Variants in OGDH observed in about 807,000 individuals in gnomAD.
OGDH encodes 2-oxoglutarate dehydrogenase complex component E1.
A neutral mutation model predicts 116.6 loss-of-function variants in OGDH; 38 were observed. The observed-to-expected ratio is 0.33, with a 90% CI of 0.25 to 0.43. The LOEUF (loss-of-function observed/expected upper bound fraction) is 0.43, where lower values mean the gene tolerates loss of function less well. Ranked by LOEUF, OGDH falls within the 20% of genes least tolerant of loss-of-function variation. The pLI is 1.00. For synonymous variants in OGDH, 488 were observed against 533.3 expected (o/e 0.92, Z 1.17); for missense variants, 825 against 1,357.2 (o/e 0.61, Z 6.16).
At chr7:44,608,253 T>C (rs1394463012) in intron 1 of OGDH, among the ~76,000 whole-genome samples, 1 of 152,030 alleles carries the variant, frequency 6.6e-6, no homozygotes, top group Non-Finnish European at 1.5e-5. Flanking sequence ...AATAAAATTA[T>C]CCGGATATGG....
intron 5 of OGDH, among the ~76,000 whole-genome samples, chr7:44,670,996 G>A (rs1787418357): frequency 8.3e-6 from 1 of 120,470 alleles, no homozygotes; most frequent in Non-Finnish European, 1.6e-5. Flanking sequence ...GGGCAACAGA[G>A]CAAGACTCCA....
intron 5 of OGDH, among the ~76,000 whole-genome samples, chr7:44,667,631 G>A (rs1456425955): frequency 6.6e-6 from 1 of 152,160 alleles, no homozygotes; most frequent in African/African-American, 2.4e-5. Context: ...CTGCTGTTAG[G>A]CTACCTGTGT....
chr7:44,650,798 C>T (rs1275312128), intron 4 of OGDH, among the ~76,000 whole-genome samples: 1 of 152,180 alleles, frequency 6.6e-6, no homozygotes, highest in South Asian at 2.1e-4. Flanking sequence ...AGGGGATAGG[C>T]TGAATGGCAA....
chr7:44,680,320 G>T (rs1368366465), intron 9 of OGDH, among the ~76,000 whole-genome samples: 1 of 152,144 alleles, frequency 6.6e-6, no homozygotes, highest in Non-Finnish European at 1.5e-5. Flanking sequence ...TAATACAAGG[G>T]TTTTAAAGAG....
chr7:44,698,941 T>G (rs1358682903), intron 18 of OGDH, among the ~76,000 whole-genome samples: 1 of 151,450 alleles, frequency 6.6e-6, no homozygotes, highest in African/African-American at 2.4e-5. Context: ...GTCAGGAGTT[T>G]GAGACCAGCC....
At chr7:44,662,006 A>G (rs1786968295) in intron 4 of OGDH, among the ~76,000 whole-genome samples, 2 of 152,202 alleles carry the variant, frequency 1.3e-5, no homozygotes, top group Non-Finnish European at 2.9e-5. Flanking sequence ...TTTTCAATAC[A>G]TATTAAGTAT....
chr7:44,669,145 C>CTTTTTTTTTTG (rs1787315541), intron 5 of OGDH, among the ~76,000 whole-genome samples: 1 of 77,814 alleles, frequency 1.3e-5, no homozygotes, highest in African/African-American at 7.3e-5. Context: ...AGCCCGGCAG[C>CTTTTTTTTTTG]TTTTTTTTTT....
At chr7:44,678,249 A>G (rs574447176) in intron 9 of OGDH, among the ~76,000 whole-genome samples, 12 of 152,136 alleles carry the variant, frequency 7.9e-5, no homozygotes, top group Non-Finnish European at 1.8e-4. Context: ...GGAGATCAGC[A>G]TTGTGATGAC....
intron 10 of OGDH, among the ~76,000 whole-genome samples, chr7:44,683,507 A>G (rs1294909798): frequency 2.6e-5 from 4 of 152,102 alleles, no homozygotes; most frequent in East Asian, 3.9e-4. Context: ...CTGGGATTGT[A>G]GGTGTGATCC....
chr7:44,679,715 A>C (rs1401341452), intron 9 of OGDH, among the ~76,000 whole-genome samples: 2 of 152,196 alleles, frequency 1.3e-5, no homozygotes, highest in African/African-American at 4.8e-5. Context: ...ATTTTGAGTA[A>C]AGTAGAAGAC....
At position 44,608,676 on chromosome 7, in the gene OGDH, G is replaced by C. The variant is rs550630661; in HGVS notation, c.-28+2023G>C. On this transcript the variant is annotated intron_variant, in intron 1 of 22. Transcript: ENST00000222673. ...GCAGAGGTTGCAGCGAGTCGAGATG[G>C]CGCCACGGCACTACAGCCTGAGCGA... Among the ~76,000 whole-genome samples, 200 of 152,066 alleles carry C rather than the reference G, an allele frequency of 1.3e-3. 2 individuals carry two copies. Among genetic ancestry groups the C allele is most frequent in the Non-Finnish European group, 1.5e-3 (101 of 67,952 alleles).
At chr7:44,632,492 C>A (rs1785484086) in intron 2 of OGDH, among the ~76,000 whole-genome samples, 1 of 152,186 alleles carries the variant, frequency 6.6e-6, no homozygotes, top group Admixed American at 6.5e-5. Flanking sequence ...TTTATAGAGA[C>A]AGGGTCTTGT....
At chr7:44,658,135 A>T (rs920785931) in intron 4 of OGDH, among the ~76,000 whole-genome samples, 1 of 152,212 alleles carries the variant, frequency 6.6e-6, no homozygotes. Context: ...ATCTATGTCT[A>T]CATATACCTT....
At chr7:44,648,642 A>G (rs769546426) in intron 4 of OGDH, among the ~76,000 whole-genome samples, 14 of 149,396 alleles carry the variant, frequency 9.4e-5, no homozygotes, top group African/African-American at 1.5e-4. Context: ...CTTTTGGGGA[A>G]TGGTACAGAC....
chr7:44,702,124 A>G (rs1467369540), intron 20 of OGDH, among the ~76,000 whole-genome samples: 2 of 151,948 alleles, frequency 1.3e-5, no homozygotes, highest in East Asian at 1.9e-4. Flanking sequence ...CACAGCTTAC[A>G]TTCACGTTGG....
At chr7:44,635,768 G>A (rs543224505) in intron 2 of OGDH, among the ~76,000 whole-genome samples, 9 of 151,240 alleles carry the variant, frequency 6.0e-5, no homozygotes, top group East Asian at 3.9e-4. Context: ...GCAGTGGCAC[G>A]ATCTCGGCCC....
At chr7:44,699,561 G>A (rs1452822205) in intron 18 of OGDH, among the ~76,000 whole-genome samples, 1 of 152,010 alleles carries the variant, frequency 6.6e-6, no homozygotes, top group Admixed American at 6.6e-5. Flanking sequence ...CAGAGAAATA[G>A]TATGGATTGA....
chr7:44,680,211 C>CA (rs1189446626), intron 9 of OGDH, among the ~76,000 whole-genome samples: 22 of 149,644 alleles, frequency 1.5e-4, no homozygotes, highest in African/African-American at 3.0e-4. Flanking sequence ...GACCCTGCCT[C>CA]AAAAAAAAAG....
chr7:44,661,219 G>A (rs1395051432), intron 4 of OGDH, among the ~76,000 whole-genome samples: 1 of 152,140 alleles, frequency 6.6e-6, no homozygotes, highest in Non-Finnish European at 1.5e-5. Context: ...TTTGTCTCCA[G>A]TAATTTTCTT....
Sources: allele counts gnomAD v4.1 joint callset (sites outside exome capture counted in the v4.1 genomes callset), GRCh38; gene constraint gnomAD v4.1.1; transcripts MANE v1.5; gene names NCBI Gene and HGNC (gene_info 2026-07-23, HGNC 2026-07-21).